Variants in CCDC50 observed in about 807,000 individuals in gnomAD.
CCDC50 encodes coiled-coil domain containing 50, also known as coiled-coil domain-containing protein 50.
Under a neutral mutation model 70.2 loss-of-function variants are expected in CCDC50, and 54 were observed. That is an observed-to-expected ratio of 0.77 (90% CI 0.62 to 0.96). The LOEUF (loss-of-function observed/expected upper bound fraction) is 0.96. CCDC50 is among the 50% of genes least tolerant of loss of function. CCDC50 has a pLI of 0.00. For synonymous variants in CCDC50, 216 were observed against 198.8 expected, an observed-to-expected ratio of 1.09 and a Z score of -0.73; for missense variants, 558 against 578.7, an observed-to-expected ratio of 0.96 and a Z score of 0.37.
chr3:191,344,693 C>T (rs555056408), intron 1 of CCDC50, among the ~76,000 whole-genome samples: 25 of 152,286 alleles, frequency 1.6e-4, no homozygotes, highest in Admixed American at 7.2e-4. Context: ...ATTCTCCTGC[C>T]TCAGCCTCCT....
At position 191,397,458 on chromosome 3, in the gene CCDC50, TA is replaced by T. The variant is rs1688213594; in HGVS notation, c.*5699del. The T allele has an allele frequency of 6.6e-6, 1 of 152,232 alleles. No homozygotes were observed. Among genetic ancestry groups the T allele is most frequent in the African/African-American group, 2.4e-5 (1 of 41,458 alleles). 9.4% of individuals were successfully genotyped at this position (152,232 alleles called of 1,614,324 possible). ...ACCCAATATTTATTTCATAAAGTGT[TA>T]TAAATATTGAGAAGATACACTGGGG... On this transcript the variant is annotated 3_prime_UTR_variant, in exon 12 of 12. Transcript: ENST00000392455.
intron 4 of CCDC50, among the ~76,000 whole-genome samples, chr3:191,364,103 T>C (rs1712591542): frequency 6.6e-6 from 1 of 151,610 alleles, no homozygotes; most frequent in Non-Finnish European, 1.5e-5. Flanking sequence ...AGAGTCTTGC[T>C]CTGTCTCCAG....
chr3:191,366,638 A>G (rs1278430275), intron 4 of CCDC50, among the ~76,000 whole-genome samples: 2 of 152,084 alleles, frequency 1.3e-5, no homozygotes, highest in Non-Finnish European at 2.9e-5. Context: ...CTTCTGTCAT[A>G]AATTTGGAAA....
chr3:191,380,378 AC>A (rs2108668209), intron 7 of CCDC50, 104 bp downstream of exon 7: 2 of 801,026 alleles, frequency 2.5e-6, no homozygotes, highest in South Asian at 1.5e-5. Flanking sequence ...CAATTGAGAA[AC>A]CTTTTTTTAT....
chr3:191,354,128 A>G (rs957220532), intron 1 of CCDC50, among the ~76,000 whole-genome samples: 1 of 152,204 alleles, frequency 6.6e-6, no homozygotes, highest in Non-Finnish European at 1.5e-5. Flanking sequence ...TAATTATAGA[A>G]CTTAAAATGT....
chr3:191,365,130 T>G (rs1346575920), intron 4 of CCDC50, among the ~76,000 whole-genome samples: 1 of 152,098 alleles, frequency 6.6e-6, no homozygotes, highest in Non-Finnish European at 1.5e-5. Context: ...TATATGTGAA[T>G]GTGCAACTAT....
At chr3:191,337,305 T>G (rs1192370565) in intron 1 of CCDC50, among the ~76,000 whole-genome samples, 1 of 152,212 alleles carries the variant, frequency 6.6e-6, no homozygotes, top group Non-Finnish European at 1.5e-5. Flanking sequence ...AATGATGCCC[T>G]TGGGAATTAT....
intron 6 of CCDC50, 102 bp downstream of exon 6, chr3:191,375,691 C>A: frequency 8.4e-7 from 1 of 1,196,656 alleles, no homozygotes; most frequent in Non-Finnish European, 1.2e-6. Context: ...CTCTCTAGTT[C>A]ATGCTCATGA....
intron 6 of CCDC50, among the ~76,000 whole-genome samples, chr3:191,378,797 A>G (rs1475959077): frequency 6.6e-6 from 1 of 151,664 alleles, no homozygotes; most frequent in Non-Finnish European, 1.5e-5. Flanking sequence ...GATTAAGCCC[A>G]GCCCAGCATA....
At chr3:191,381,131 CT>C (rs1240264398) in intron 9 of CCDC50, among the ~76,000 whole-genome samples, 199 bp downstream of exon 9, 1 of 152,102 alleles carries the variant, frequency 6.6e-6, no homozygotes, top group Non-Finnish European at 1.5e-5. Context: ...TAAAAAGTTA[CT>C]GCTAAGATTG....
At chr3:191,357,773 C>A (rs959986774) in intron 2 of CCDC50, among the ~76,000 whole-genome samples, 1 of 151,014 alleles carries the variant, frequency 6.6e-6, no homozygotes, top group Non-Finnish European at 1.5e-5. Flanking sequence ...ACTTTGTTGC[C>A]GTGTGACCAA....
intron 1 of CCDC50, among the ~76,000 whole-genome samples, chr3:191,350,296 A>G (rs76001579): frequency 0.1 from 14,864 of 141,584 alleles, 2,624 homozygotes; most frequent in East Asian, 0.25. Context: ...AGATGTTTTC[A>G]TGTATACAGA....
In CCDC50 at chr3:191,398,096, GA is replaced by G; in HGVS notation, c.*6340del. On this transcript the variant is annotated 3_prime_UTR_variant, in exon 12 of 12. Transcript: ENST00000392455. Reference sequence around the variant, plus strand: ...TGTTCCTGCTCATGACCTCATTGAGGAAAATGAGAATTGTGGTGCTGGTGAC... The same window carrying G: ...TGTTCCTGCTCATGACCTCATTGAGGAAATGAGAATTGTGGTGCTGGTGAC... The G allele has an allele frequency of 6.6e-6, 1 of 152,344 alleles. No individual in the cohort carries two copies. Among genetic ancestry groups the G allele is most frequent in the South Asian group, 2.1e-4 (1 of 4,826 alleles). 9.4% of individuals were successfully genotyped at this position (152,344 alleles called of 1,614,324 possible). A position where few individuals can be genotyped will look rare whatever the true frequency, so the allele number is the denominator to read the frequency against.
At chr3:191,330,322 C>CACACACACAA (rs1717932694) in intron 1 of CCDC50, 1 of 125,568 alleles carries the variant, frequency 8.0e-6, no homozygotes, top group South Asian at 3.0e-4. Flanking sequence ...CACACACACA[C>CACACACACAA]ACACACAATA....
intron 4 of CCDC50, 91 bp from the exon 5 acceptor site, chr3:191,369,828 A>G: frequency 1.1e-6 from 1 of 890,910 alleles, no homozygotes; most frequent in Non-Finnish European, 1.9e-6. Flanking sequence ...CAGAGCACAT[A>G]CAAACTTGGC....
intron 6 of CCDC50, among the ~76,000 whole-genome samples, chr3:191,376,892 A>C (rs907285396): frequency 6.6e-6 from 1 of 152,146 alleles, no homozygotes; most frequent in Non-Finnish European, 1.5e-5. Flanking sequence ...AGAATGATGT[A>C]CACTGACCTC....
Position 191,392,234 on chromosome 3 carries a change from G to T in CCDC50, c.*474G>T. 6.2e-6 allele frequency: 1 copy of T among 160,870 alleles called. No homozygotes were observed. The highest frequency in any genetic ancestry group is 1.4e-5 in the Non-Finnish European group (1 of 72,756). The allele number at this position is 160,870 out of a possible 1,614,324, so 10.0% of individuals were successfully genotyped here. On this transcript the variant is annotated 3_prime_UTR_variant, in exon 12 of 12. Transcript: ENST00000392455. Reference sequence around the variant, plus strand: ...TTGCTTTTTGTATTCTTTAAGAAAAGCACAACCATAAAGTATTTTAAAAAA... The same window carrying T: ...TTGCTTTTTGTATTCTTTAAGAAAATCACAACCATAAAGTATTTTAAAAAA...
At chr3:191,388,073 T>C (rs879394060) in intron 10 of CCDC50, among the ~76,000 whole-genome samples, 8 of 152,100 alleles carry the variant, frequency 5.3e-5, no homozygotes, top group Non-Finnish European at 1.0e-4. Context: ...ATTTCCAATA[T>C]TGGTAAACAA....
intron 4 of CCDC50, among the ~76,000 whole-genome samples, chr3:191,366,409 A>G (rs1239954959): frequency 2.0e-5 from 3 of 152,166 alleles, no homozygotes; most frequent in African/African-American, 7.2e-5. Flanking sequence ...CAGAAGGGAA[A>G]GGTGAGATAC....
Sources: allele counts gnomAD v4.1 joint callset (sites outside exome capture counted in the v4.1 genomes callset), GRCh38; gene constraint gnomAD v4.1.1; transcripts MANE v1.5; gene names NCBI Gene and HGNC (gene_info 2026-07-23, HGNC 2026-07-21).